TRPC6: variants seen among roughly 807,000 people sequenced by gnomAD.
TRPC6 encodes short transient receptor potential channel 6.
Under a neutral mutation model 90.7 loss-of-function variants are expected in TRPC6, and 55 were observed. The observed-to-expected ratio is 0.61, with a 90% CI of 0.49 to 0.76. TRPC6 has a LOEUF of 0.76. Ranked by LOEUF, TRPC6 falls within the 30% of genes least tolerant of loss-of-function variation. TRPC6 has a pLI of 0.00. For missense variants in TRPC6, 989 were observed against 1,122.7 expected (o/e 0.88, Z 1.70); for synonymous variants, 393 against 393.0 (o/e 1.00, Z 0.00).
At position 101,476,459 on chromosome 11, in the gene TRPC6, A is replaced by T; in HGVS notation, c.1586T>A (p.Leu529His). 2.5e-6 allele frequency: 4 copies of T among 1,614,164 alleles called. No homozygotes were observed. The highest frequency in any genetic ancestry group is 3.4e-6 in the Non-Finnish European group (4 of 1,180,002). ...GAAAATTGCTAACATACCAAAATCA[A>T]GCATGTTCCACAACTCAAACAAATA... The part of the protein sequence containing the change: ...KEYLFELWNM[L>H]DFGMLAIFAA... The change falls in exon 6 of 13, where the codon CTT becomes CAT. Residue 529 changes from leucine (L) to histidine (H), a missense_variant. Leu to His is a moderately conservative substitution (Grantham distance 99). Coordinates refer to ENST00000344327, the MANE Select transcript of TRPC6 (RefSeq NM_004621.6).
At chr11:101,494,926 G>C (rs941594030) in intron 2 of TRPC6, among the ~76,000 whole-genome samples, 1 of 152,252 alleles carries the variant, frequency 6.6e-6, no homozygotes, top group Non-Finnish European at 1.5e-5. Flanking sequence ...CATATTTTCA[G>C]TTATTGACAT....
intron 2 of TRPC6, among the ~76,000 whole-genome samples, chr11:101,503,615 C>T (rs955048701): frequency 2.0e-5 from 3 of 152,112 alleles, no homozygotes; most frequent in African/African-American, 7.2e-5. Flanking sequence ...GTGCTCTGAA[C>T]ATGGAAATAG....
At chr11:101,501,350 T>C (rs1167915112) in intron 2 of TRPC6, among the ~76,000 whole-genome samples, 1 of 152,162 alleles carries the variant, frequency 6.6e-6, no homozygotes, top group Non-Finnish European at 1.5e-5. Flanking sequence ...TTAGGAATGA[T>C]TTTTTAAACT....
intron 1 of TRPC6, among the ~76,000 whole-genome samples, chr11:101,510,837 T>A (rs1860379260): frequency 6.6e-6 from 1 of 152,172 alleles, no homozygotes; most frequent in African/African-American, 2.4e-5. Flanking sequence ...TCTCTCTACT[T>A]CCTGTTCAAC....
chr11:101,468,897 A>G (rs916330609), intron 10 of TRPC6, among the ~76,000 whole-genome samples: 11 of 152,150 alleles, frequency 7.2e-5, no homozygotes, highest in Non-Finnish European at 1.5e-4. Flanking sequence ...CCTACTATGT[A>G]CAGGCCACAA....
In TRPC6 at chr11:101,490,229, T is replaced by C. The variant is rs145638320; in HGVS notation, c.1129-1128A>G. ...TAGTAAACAGATTATGTGAATATAA[T>C]GAAGTAACAATGCAACCTTTAAAAA... On this transcript the variant is annotated intron_variant, in intron 3 of 12. Coordinates refer to ENST00000344327, the MANE Select transcript of TRPC6 (RefSeq NM_004621.6). Among the ~76,000 whole-genome samples, 638 of 152,306 alleles carry C rather than the reference T, an allele frequency of 4.2e-3. 3 individuals are homozygous for C. Among genetic ancestry groups the C allele is most frequent in the African/African-American group, 0.015 (611 of 41,568 alleles).
chr11:101,542,252 A>G (rs1258072603), intron 1 of TRPC6, among the ~76,000 whole-genome samples: 1 of 152,254 alleles, frequency 6.6e-6, no homozygotes, highest in Non-Finnish European at 1.5e-5. Flanking sequence ...ACCCGTCTAA[A>G]TATGTAATAA....
intron 6 of TRPC6, 146 bp from the exon 7 acceptor site, chr11:101,473,919 T>G: frequency 1.8e-6 from 2 of 1,082,700 alleles, no homozygotes; most frequent in South Asian, 1.5e-5. Context: ...CTTAAGTGTC[T>G]GCTAGAGTTG....
chr11:101,488,888 T>G (rs751951439), intron 4 of TRPC6, 49 bp downstream of exon 4: 3 of 1,607,140 alleles, frequency 1.9e-6, no homozygotes, highest in South Asian at 1.1e-5. Context: ...TTTCCCCACT[T>G]AAAACATATT....
At position 101,473,435 on chromosome 11, in the gene TRPC6, C is replaced by T; in HGVS notation, c.2009+74G>A. On this transcript the variant is annotated intron_variant, in intron 7 of 12. Transcript: ENST00000344327. ...CTTTACCAAAACATTATCCCATGGACTTACATAAACGCTGTTAAACTAATA... is the reference window on the plus strand; with the variant it reads ...CTTTACCAAAACATTATCCCATGGATTTACATAAACGCTGTTAAACTAATA... 9 of 1,542,498 alleles carry T rather than the reference C, an allele frequency of 5.8e-6. No individual in the cohort carries two copies. The South Asian group carries it at 9.1e-5, about 16-fold the overall frequency.
chr11:101,522,462 T>C (rs1275691691), intron 1 of TRPC6, among the ~76,000 whole-genome samples: 2 of 152,156 alleles, frequency 1.3e-5, no homozygotes, highest in African/African-American at 4.8e-5. Context: ...TCTTTATAAA[T>C]TACCCAGTCT....
chr11:101,555,905 G>GT (rs1426209801), intron 1 of TRPC6, among the ~76,000 whole-genome samples: 1 of 152,124 alleles, frequency 6.6e-6, no homozygotes, highest in African/African-American at 2.4e-5. Context: ...ACAGAAATCA[G>GT]TAACAGGGGG....
intron 2 of TRPC6, among the ~76,000 whole-genome samples, chr11:101,498,804 T>C (rs1268595385): frequency 6.6e-6 from 1 of 152,184 alleles, no homozygotes; most frequent in Non-Finnish European, 1.5e-5. Context: ...ATGGATTTCC[T>C]TGAAAATACA....
At chr11:101,460,043 A>C (rs1858970241) in intron 10 of TRPC6, among the ~76,000 whole-genome samples, 2 of 152,222 alleles carry the variant, frequency 1.3e-5, no homozygotes, top group African/African-American at 2.4e-5. Context: ...ATAAGATCTC[A>C]ATCTTCTGAG....
rs551088808 is a variant in TRPC6 at position 101,525,246 on chromosome 11, C to T, written c.171-20448G>A. ...CTTTGGAGTCAAATGGACTTTGGCT[C>T]GAATCCTAGCTTATGAGTTATTAAG... On this transcript the variant is annotated intron_variant, in intron 1 of 12. Coordinates refer to ENST00000344327, the MANE Select transcript of TRPC6 (RefSeq NM_004621.6). Among the ~76,000 whole-genome samples the T allele has an allele frequency of 5.3e-5, 8 of 152,294 alleles. No homozygotes were observed. The East Asian group carries it at 1.2e-3, about 22-fold the overall frequency.
At chr11:101,538,732 TA>T (rs1202321013) in intron 1 of TRPC6, among the ~76,000 whole-genome samples, 3 of 152,104 alleles carry the variant, frequency 2.0e-5, no homozygotes, top group African/African-American at 7.2e-5. Context: ...GGAAACATGA[TA>T]AAAACTGGAC....
chr11:101,583,312 G>T (rs904642039), intron 1 of TRPC6, 22 bp downstream of exon 1: 14 of 1,563,036 alleles, frequency 9.0e-6, no homozygotes, highest in Non-Finnish European at 1.2e-5. Context: ...CGCCCGATCC[G>T]CCCCGCGTCG....
chr11:101,509,886 T>C (rs7934116), intron 1 of TRPC6, among the ~76,000 whole-genome samples: 74,590 of 151,998 alleles, frequency 0.49, 18,722 homozygotes, highest in African/African-American at 0.55. Context: ...AATTACAACT[T>C]GGTCATTCTG....
chr11:101,557,277 C>T (rs1420276156), intron 1 of TRPC6, among the ~76,000 whole-genome samples: 1 of 152,146 alleles, frequency 6.6e-6, no homozygotes, highest in African/African-American at 2.4e-5. Flanking sequence ...ATTGCTTGAA[C>T]CTGGGAGACA....
Sources: gnomAD v4.1 joint callset for allele counts (sites outside exome capture counted in the v4.1 genomes callset) on GRCh38, gnomAD v4.1.1 for gene constraint, MANE v1.5 for transcripts, NCBI Gene and HGNC (gene_info 2026-07-23, HGNC 2026-07-21) for gene names.